The following PRKG1 variants were observed in gnomAD, a reference collection of about 807,000 sequenced individuals.
PRKG1 encodes protein kinase cGMP-dependent 1.
Under a neutral mutation model 88.1 loss-of-function variants are expected in PRKG1, and 35 were observed. The ratio of observed to expected loss-of-function variants is 0.40; its 90% CI spans 0.30 to 0.53. The LOEUF is 0.53. Ranked by LOEUF, PRKG1 falls within the 20% of genes least tolerant of loss-of-function variation. The pLI is 0.59. For synonymous variants in PRKG1, 303 were observed against 292.5 expected, an observed-to-expected ratio of 1.04 and a Z score of -0.37; for missense variants, 540 against 839.8, an observed-to-expected ratio of 0.64 and a Z score of 4.41.
intron 5 of PRKG1, among the ~76,000 whole-genome samples, chr10:52,008,486 A>G (rs1029614331): frequency 6.6e-6 from 1 of 152,172 alleles, no homozygotes; most frequent in Non-Finnish European, 1.5e-5. Flanking sequence ...ATCAGAGACT[A>G]CTATGAACAC....
intron 5 of PRKG1, among the ~76,000 whole-genome samples, chr10:51,964,054 C>T (rs900184661): frequency 1.3e-5 from 2 of 152,004 alleles, no homozygotes; most frequent in Non-Finnish European, 2.9e-5. Context: ...TTTGCCTTTT[C>T]ACTGTTTCTG....
intron 2 of PRKG1, among the ~76,000 whole-genome samples, chr10:51,385,811 G>A (rs1837234801): frequency 6.6e-6 from 1 of 152,116 alleles, no homozygotes; most frequent in Non-Finnish European, 1.5e-5. Flanking sequence ...GAACTGAAAA[G>A]GAGTAGAGGC....
intron 3 of PRKG1, among the ~76,000 whole-genome samples, chr10:51,761,107 G>T (rs1838011054): frequency 6.6e-6 from 1 of 152,130 alleles, no homozygotes; most frequent in South Asian, 2.1e-4. Context: ...GGGCGAGACT[G>T]GGTCTCAACA....
chr10:51,193,193 C>A (rs375829919), intron 2 of PRKG1, among the ~76,000 whole-genome samples: 9 of 151,838 alleles, frequency 5.9e-5, no homozygotes, highest in East Asian at 1.9e-4. Flanking sequence ...GAAGACTAAG[C>A]GAGTATGACA....
chr10:51,588,227 T>G (rs959747135), intron 3 of PRKG1, among the ~76,000 whole-genome samples: 8 of 152,172 alleles, frequency 5.3e-5, no homozygotes, highest in Non-Finnish European at 1.0e-4. Flanking sequence ...TTTTTTAGCA[T>G]CATCACACTT....
At chr10:51,436,763 G>A (rs1237403221) in intron 2 of PRKG1, among the ~76,000 whole-genome samples, 1 of 152,012 alleles carries the variant, frequency 6.6e-6, no homozygotes, top group Non-Finnish European at 1.5e-5. Flanking sequence ...TTAAGCAATG[G>A]TTGTAAACTT....
intron 2 of PRKG1, among the ~76,000 whole-genome samples, chr10:51,232,832 A>G (rs1483705089): frequency 6.6e-6 from 1 of 152,164 alleles, no homozygotes; most frequent in Non-Finnish European, 1.5e-5. Flanking sequence ...CTTGGCTCCT[A>G]GAAGTGTCAG....
chr10:52,200,599 G>A (rs2202314), intron 9 of PRKG1, among the ~76,000 whole-genome samples: 29,350 of 152,072 alleles, frequency 0.19, 3,093 homozygotes, highest in Middle Eastern at 0.27. Context: ...GGGTTGAACA[G>A]TAGTTCTGCT....
intron 3 of PRKG1, among the ~76,000 whole-genome samples, chr10:51,609,640 A>G (rs1838853236): frequency 6.6e-6 from 1 of 152,212 alleles, no homozygotes. Flanking sequence ...CATATATACC[A>G]TGGATTACTA....
chr10:51,312,453 C>G (rs764187580), intron 2 of PRKG1, among the ~76,000 whole-genome samples: 1 of 152,138 alleles, frequency 6.6e-6, no homozygotes, highest in African/African-American at 2.4e-5. Context: ...AACTCACTGT[C>G]AGGGTGACCC....
intron 2 of PRKG1, among the ~76,000 whole-genome samples, chr10:51,259,797 T>C (rs1463925914): frequency 2.0e-5 from 3 of 152,100 alleles, no homozygotes; most frequent in Admixed American, 1.3e-4. Flanking sequence ...TTTATATGTG[T>C]GGGTGCTGAG....
At chr10:52,022,682 C>A (rs1845217644) in intron 5 of PRKG1, among the ~76,000 whole-genome samples, 1 of 152,070 alleles carries the variant, frequency 6.6e-6, no homozygotes, top group Non-Finnish European at 1.5e-5. Context: ...TAATATTTTT[C>A]TCCTACAAAA....
intron 3 of PRKG1, among the ~76,000 whole-genome samples, chr10:51,568,135 C>T (rs1204833503): frequency 2.6e-5 from 4 of 151,954 alleles, no homozygotes; most frequent in Non-Finnish European, 4.4e-5. Context: ...ACTAGAGTTG[C>T]AAAGTGGACT....
chr10:51,394,810 A>G (rs1006563557), intron 2 of PRKG1, among the ~76,000 whole-genome samples: 2 of 152,210 alleles, frequency 1.3e-5, no homozygotes, highest in African/African-American at 4.8e-5. Context: ...TGGGGTATCA[A>G]TCAAGGGCTC....
intron 1 of PRKG1, among the ~76,000 whole-genome samples, chr10:51,120,730 G>A (rs1845240917): frequency 6.6e-6 from 1 of 152,074 alleles, no homozygotes; most frequent in Non-Finnish European, 1.5e-5. Flanking sequence ...CACTACACAT[G>A]TATTAAGTGT....
chr10:51,663,702 C>CAAAA (rs56804341), intron 3 of PRKG1, among the ~76,000 whole-genome samples: 8 of 72,704 alleles, frequency 1.1e-4, no homozygotes, highest in African/African-American at 2.0e-4. Context: ...GACCCTGTCT[C>CAAAA]AAAAAAAAAA....
intron 3 of PRKG1, among the ~76,000 whole-genome samples, chr10:51,519,169 G>C (rs1184112374): frequency 2.0e-5 from 3 of 152,108 alleles, no homozygotes; most frequent in Non-Finnish European, 4.4e-5. Flanking sequence ...TTGATATGTG[G>C]CATTTTTTCT....
intron 3 of PRKG1, among the ~76,000 whole-genome samples, chr10:51,537,375 G>A (rs1842183181): frequency 6.6e-6 from 1 of 152,116 alleles, no homozygotes; most frequent in African/African-American, 2.4e-5. Context: ...CCTCTGTTGG[G>A]AGTGTTGCTA....
chr10:52,156,683 A>G (rs1838113396), intron 8 of PRKG1, among the ~76,000 whole-genome samples: 1 of 151,722 alleles, frequency 6.6e-6, no homozygotes, highest in Admixed American at 6.6e-5. Context: ...TAAATAAAAT[A>G]AACAAAAAAT....
Sources: allele counts gnomAD v4.1 joint callset (sites outside exome capture counted in the v4.1 genomes callset), GRCh38; gene constraint gnomAD v4.1.1; transcripts MANE v1.5; gene names NCBI Gene and HGNC (gene_info 2026-07-23, HGNC 2026-07-21).